Variants in PSMG2 observed in about 807,000 individuals in gnomAD.
PSMG2 encodes the protein CD40 ligand-activated specific transcript 3.
PSMG2 carries 21 observed loss-of-function variants against 31.5 expected under a neutral mutation model. The observed-to-expected ratio is 0.67, with a 90% CI of 0.47 to 0.96. The LOEUF (loss-of-function observed/expected upper bound fraction) is 0.96. Ranked by LOEUF, PSMG2 falls within the 40% of genes least tolerant of loss-of-function variation. PSMG2 has a pLI of 0.00. For missense variants in PSMG2, 318 were observed against 321.2 expected (o/e 0.99, Z 0.08); for synonymous variants, 120 against 110.4 (o/e 1.09, Z -0.54).
chr18:12,691,553 C>G, intron 1 of PSMG2: 1 of 1,196,350 alleles, frequency 8.4e-7, no homozygotes, highest in Non-Finnish European at 1.2e-6. Context: ...AAATATGTAG[C>G]AAATTTATCT....
At chr18:12,673,828 C>T (rs542652432) in intron 1 of PSMG2, among the ~76,000 whole-genome samples, 1 of 152,062 alleles carries the variant, frequency 6.6e-6, no homozygotes, top group Non-Finnish European at 1.5e-5. Context: ...TTGCAGTGAG[C>T]CAAGAATGTG....
At chr18:12,681,256 ATTTTTTTTTTT>A (rs34816720) in intron 1 of PSMG2, among the ~76,000 whole-genome samples, 1 of 115,390 alleles carries the variant, frequency 8.7e-6, no homozygotes, top group Non-Finnish European at 1.7e-5. Context: ...AAAGTAGAAC[ATTTTTTTTTTT>A]TTTTTTTTTT....
At chr18:12,721,725 C>A (rs2040432776) in intron 5 of PSMG2, among the ~76,000 whole-genome samples, 1 of 150,996 alleles carries the variant, frequency 6.6e-6, no homozygotes, top group South Asian at 2.1e-4. Flanking sequence ...TTCTATTATT[C>A]TCTATTATTT....
In PSMG2 at chr18:12,725,564, CACTT is replaced by C. The variant is rs766642262; in HGVS notation, c.*37_*40del. On this transcript the variant is annotated 3_prime_UTR_variant, in exon 7 of 7. Transcript: ENST00000317615. ...TCTGTTTTATACCTTATACCCAAAA[CACTT>C]ACTACCAACACAGCTGTTAAACATT... 66 of 1,466,262 alleles carry C rather than the reference CACTT, an allele frequency of 4.5e-5. 1 individual carries two copies. In the Admixed American group the frequency reaches 8.6e-4, roughly 19 times the overall value. The allele number at this position is 1,466,262 out of a possible 1,614,324, so 90.8% of individuals were successfully genotyped here.
At chr18:12,683,551 G>A (rs2039427806) in intron 1 of PSMG2, among the ~76,000 whole-genome samples, 1 of 151,946 alleles carries the variant, frequency 6.6e-6, no homozygotes, top group Non-Finnish European at 1.5e-5. Flanking sequence ...AGGAGTTCGA[G>A]ACCAGCCTAG....
intron 3 of PSMG2, among the ~76,000 whole-genome samples, chr18:12,714,254 G>A (rs954281878): frequency 6.6e-6 from 1 of 152,162 alleles, no homozygotes; most frequent in African/African-American, 2.4e-5. Flanking sequence ...CAAAAAGCCA[G>A]CATAACAAGA....
chr18:12,703,088 C>G lies in PSMG2; in HGVS notation c.-20C>G. 2 of 1,610,830 alleles carry G rather than the reference C, an allele frequency of 1.2e-6. No homozygotes were observed. Among genetic ancestry groups the G allele is most frequent in the Non-Finnish European group, 1.7e-6 (2 of 1,178,960 alleles). ...TTGCCAGGGCCGCGGTTAGTCCCTG[C>G]TGGCCACCCCACTGCGACCATGTTC... On this transcript the variant is annotated 5_prime_UTR_variant, in exon 1 of 7. Transcript: ENST00000317615.
upstream of PSMG2, chr18:12,702,400 A>G (rs1598673340): frequency 9.9e-7 from 1 of 1,009,132 alleles, no homozygotes; most frequent in East Asian, 2.5e-5. Flanking sequence ...CGGCAAGCAG[A>G]TGCCGCTGTC....
chr18:12,675,930 A>G (rs1010437464), intron 1 of PSMG2, among the ~76,000 whole-genome samples: 1 of 152,106 alleles, frequency 6.6e-6, no homozygotes, highest in African/African-American at 2.4e-5. Flanking sequence ...CGGCCTCCCA[A>G]AGTGCTGGGA....
At chr18:12,662,639 TG>T (rs1360627143) in intron 1 of PSMG2, among the ~76,000 whole-genome samples, 3 of 152,126 alleles carry the variant, frequency 2.0e-5, no homozygotes, top group Non-Finnish European at 1.5e-5. Flanking sequence ...TAACCAGGCA[TG>T]GTGGTGCACA....
chr18:12,660,438 C>T (rs912447519), intron 1 of PSMG2, among the ~76,000 whole-genome samples: 9 of 151,810 alleles, frequency 5.9e-5, no homozygotes, highest in East Asian at 3.9e-4. Flanking sequence ...TCTCGTGCCT[C>T]GGCCTCCCGA....
chr18:12,720,708 G>A (rs1211247278), intron 5 of PSMG2, 25 bp downstream of exon 5: 2 of 1,594,580 alleles, frequency 1.3e-6, no homozygotes, highest in Admixed American at 3.6e-5. Context: ...CTGTTCATTT[G>A]TTTCCCACTT....
intron 1 of PSMG2, among the ~76,000 whole-genome samples, chr18:12,693,969 C>A (rs1156529308): frequency 2.0e-5 from 3 of 152,110 alleles, no homozygotes; most frequent in Admixed American, 6.6e-5. Context: ...GCAGCTGGGA[C>A]TACAAGTATG....
rs183304456 is a variant in PSMG2, at chr18:12,690,944, C to G, written c.-36-15606C>G. Among the ~76,000 whole-genome samples, 669 of 151,248 alleles carry G rather than the reference C, an allele frequency of 4.4e-3. 5 individuals are homozygous for G. The highest frequency in any genetic ancestry group is 7.1e-3 in the Non-Finnish European group (481 of 67,712). On this transcript the variant is annotated intron_variant, in intron 1 of 6. Coordinates refer to the PSMG2 transcript ENST00000585331. ...AAAATATATATATGCCCAGAGCCCCCCCCCGTTCTGCACACAAGAGCTGGA... is the reference window on the plus strand; with the variant it reads ...AAAATATATATATGCCCAGAGCCCCGCCCCGTTCTGCACACAAGAGCTGGA...
chr18:12,670,459 T>C (rs1381828388), intron 1 of PSMG2: 2 of 152,218 alleles, frequency 1.3e-5, no homozygotes, highest in East Asian at 3.8e-4. Flanking sequence ...TTACAGAGTT[T>C]ACACCAAAAG....
intron 1 of PSMG2, among the ~76,000 whole-genome samples, chr18:12,695,593 TAGA>T (rs1371316479): frequency 6.6e-6 from 1 of 152,062 alleles, no homozygotes; most frequent in Non-Finnish European, 1.5e-5. Context: ...CTTCTTTAAG[TAGA>T]GATGGGGTCT....
At chr18:12,720,871 G>A (rs907855478) in intron 5 of PSMG2, among the ~76,000 whole-genome samples, 188 bp downstream of exon 5, 1 of 151,992 alleles carries the variant, frequency 6.6e-6, no homozygotes. Context: ...GAAACTTTGA[G>A]AATATATTGC....
Position 12,719,376 on chromosome 18 carries a change from C to G in PSMG2, c.407+741C>G, listed in dbSNP as rs574083242. Among the ~76,000 whole-genome samples, 19 of 152,254 alleles carry G rather than the reference C, an allele frequency of 1.2e-4. No homozygotes were observed. The South Asian group carries it at 3.9e-3, about 32-fold the overall frequency. On this transcript the variant is annotated intron_variant, in intron 4 of 6. Coordinates refer to ENST00000317615, the MANE Select transcript of PSMG2 (RefSeq NM_020232.5). ...ATATCATATAGAATACTCTTATACTCTAAGATGTAGCTTTTATTTATTTAT... is the reference window on the plus strand; with the variant it reads ...ATATCATATAGAATACTCTTATACTGTAAGATGTAGCTTTTATTTATTTAT...
intron 2 of PSMG2, among the ~76,000 whole-genome samples, chr18:12,711,847 G>A (rs945744880): frequency 2.9e-5 from 4 of 139,300 alleles, no homozygotes; most frequent in Admixed American, 2.4e-4. Flanking sequence ...TCCGCCCCCC[G>A]GGTTCACGCC....
Sources: allele counts gnomAD v4.1 joint callset (sites outside exome capture counted in the v4.1 genomes callset), GRCh38; gene constraint gnomAD v4.1.1; transcripts MANE v1.5; gene names NCBI Gene and HGNC (gene_info 2026-07-23, HGNC 2026-07-21).